SLC1A2: variants seen among roughly 807,000 people sequenced by gnomAD.
The protein encoded by SLC1A2 is solute carrier family 1 member 2.
A neutral mutation model predicts 48.8 loss-of-function variants in SLC1A2; 15 were observed. The ratio of observed to expected loss-of-function variants is 0.31; its 90% CI spans 0.21 to 0.47. SLC1A2 has a LOEUF of 0.47. Ranked by LOEUF, SLC1A2 falls within the 20% of genes least tolerant of loss-of-function variation. The pLI, the probability that SLC1A2 is intolerant of heterozygous loss-of-function variation, is 0.99. For missense variants in SLC1A2, 502 were observed against 730.5 expected (o/e 0.69, Z 3.61); for synonymous variants, 279 against 272.6 (o/e 1.02, Z -0.23).
intron 1 of SLC1A2, among the ~76,000 whole-genome samples, chr11:35,345,567 G>C (rs1479078159): frequency 6.6e-6 from 1 of 152,124 alleles, no homozygotes; most frequent in Non-Finnish European, 1.5e-5. Flanking sequence ...GGGGACCAGT[G>C]ATGGGGACAG....
At chr11:35,326,367 C>A (rs935228574) in intron 1 of SLC1A2, among the ~76,000 whole-genome samples, 3 of 152,172 alleles carry the variant, frequency 2.0e-5, no homozygotes, top group African/African-American at 7.2e-5. Context: ...AGGATTTGGC[C>A]CTCAGGCCTG....
chr11:35,367,511 A>T (rs1213428914), intron 1 of SLC1A2, among the ~76,000 whole-genome samples: 1 of 151,886 alleles, frequency 6.6e-6, no homozygotes, highest in Non-Finnish European at 1.5e-5. Context: ...CCCCTGCTTT[A>T]CCCATCAGCC....
At chr11:35,359,862 T>G (rs1009494512) in intron 1 of SLC1A2, among the ~76,000 whole-genome samples, 2 of 152,226 alleles carry the variant, frequency 1.3e-5, no homozygotes, top group Admixed American at 1.3e-4. Flanking sequence ...GAAATCACAT[T>G]ATTTCAGCCC....
chr11:35,399,607 C>G (rs533131704), intron 1 of SLC1A2: 1 of 984,252 alleles, frequency 1.0e-6, no homozygotes, highest in Non-Finnish European at 1.2e-6. Flanking sequence ...ATAGATGATG[C>G]GTTTTCCATT....
chr11:35,292,540 A>T lies in SLC1A2; in HGVS notation c.858-20T>A. ...GAGTACCTGAAAAACACAAAAGGGA[A>T]AAACAGCATTGAAGAGATCATTAGG... is the stretch of plus-strand genomic sequence containing the variant. On this transcript the variant is annotated intron_variant, in intron 6 of 10. Transcript: ENST00000278379. 1 of 1,508,912 alleles carries T rather than the reference A, an allele frequency of 6.6e-7. No individual in the cohort carries two copies. Among genetic ancestry groups the T allele is most frequent in the Non-Finnish European group, 9.2e-7 (1 of 1,086,090 alleles). The allele number at this position is 1,508,912 out of a possible 1,614,324, so 93.5% of individuals were successfully genotyped here.
intron 7 of SLC1A2, among the ~76,000 whole-genome samples, chr11:35,289,787 TAAA>T (rs1850937740): frequency 6.6e-6 from 1 of 152,224 alleles, no homozygotes; most frequent in South Asian, 2.1e-4. Flanking sequence ...AGTACAAATT[TAAA>T]ACTTCTAGAG....
intron 1 of SLC1A2, among the ~76,000 whole-genome samples, chr11:35,331,765 T>C (rs959327204): frequency 5.3e-5 from 8 of 152,236 alleles, no homozygotes; most frequent in African/African-American, 1.7e-4. Flanking sequence ...CTCTTTGATG[T>C]TGTCTCTTCG....
At chr11:35,275,246 T>C (rs1284427983) in intron 9 of SLC1A2, among the ~76,000 whole-genome samples, 2 of 152,212 alleles carry the variant, frequency 1.3e-5, no homozygotes, top group African/African-American at 2.4e-5. Flanking sequence ...ATTCCCCAAT[T>C]AGCACATGTG....
intron 1 of SLC1A2, among the ~76,000 whole-genome samples, chr11:35,409,914 CA>C (rs1186602820): frequency 6.6e-6 from 1 of 151,874 alleles, no homozygotes; most frequent in African/African-American, 2.4e-5. Flanking sequence ...GTCTCAAAAA[CA>C]AATAAATAAA....
chr11:35,275,674 T>C (rs552082096), intron 9 of SLC1A2, among the ~76,000 whole-genome samples: 2 of 152,336 alleles, frequency 1.3e-5, no homozygotes, highest in African/African-American at 4.8e-5. Context: ...TCTCCAGCAG[T>C]TGGCAAACAC....
intron 1 of SLC1A2, among the ~76,000 whole-genome samples, chr11:35,338,929 G>A (rs533667397): frequency 6.6e-6 from 1 of 152,166 alleles, no homozygotes; most frequent in South Asian, 2.1e-4. Flanking sequence ...CAAGATGAAG[G>A]GGTCAGCATC....
chr11:35,386,020 G>T (rs970485014), intron 1 of SLC1A2, among the ~76,000 whole-genome samples: 1 of 152,100 alleles, frequency 6.6e-6, no homozygotes, highest in African/African-American at 2.4e-5. Flanking sequence ...CAAAAAATTA[G>T]CCGGGCATGG....
chr11:35,414,841 G>A (rs1855562625), intron 1 of SLC1A2, among the ~76,000 whole-genome samples: 3 of 152,176 alleles, frequency 2.0e-5, no homozygotes, highest in African/African-American at 7.2e-5. Context: ...ATTGTAGCAG[G>A]CGACTGAAAT....
intron 9 of SLC1A2, among the ~76,000 whole-genome samples, chr11:35,272,005 T>A (rs1282921279): frequency 6.6e-6 from 1 of 152,120 alleles, no homozygotes; most frequent in Non-Finnish European, 1.5e-5. Context: ...TTATTCAAGA[T>A]GATTGATTGA....
intron 1 of SLC1A2, among the ~76,000 whole-genome samples, chr11:35,331,302 T>TCTG (rs1185401723): frequency 1.3e-5 from 2 of 152,236 alleles, no homozygotes; most frequent in African/African-American, 4.8e-5. Context: ...CCATCGCCCA[T>TCTG]GGAAGCCTTT....
chr11:35,415,620 G>T (rs1168656505), intron 1 of SLC1A2, among the ~76,000 whole-genome samples: 1 of 152,332 alleles, frequency 6.6e-6, no homozygotes, highest in South Asian at 2.1e-4. Flanking sequence ...GAGGACAATG[G>T]TTATGGTTTG....
Position 35,260,642 on chromosome 11 carries a change from C to G in SLC1A2, c.*252G>C, listed in dbSNP as rs1006770658. ...AACGTGTCTTCAATTCCAACTGATT[C>G]CTCCAGCAGCATCCATTCAAATAAT... On this transcript the variant is annotated 3_prime_UTR_variant, in exon 11 of 11. Transcript: ENST00000278379. 1 of 441,926 alleles carries G rather than the reference C, an allele frequency of 2.3e-6. No homozygotes were observed. The highest frequency in any genetic ancestry group is 2.0e-5 in the African/African-American group (1 of 49,852). 27.4% of individuals were successfully genotyped at this position (441,926 alleles called of 1,614,324 possible).
chr11:35,326,148 C>G (rs996555290), intron 1 of SLC1A2, among the ~76,000 whole-genome samples: 1 of 152,132 alleles, frequency 6.6e-6, no homozygotes, highest in Admixed American at 6.5e-5. Flanking sequence ...CGAGGAACCA[C>G]TCTAGGTTCA....
intron 1 of SLC1A2, among the ~76,000 whole-genome samples, chr11:35,378,428 T>A (rs10836386): frequency 6.6e-6 from 1 of 152,052 alleles, no homozygotes; most frequent in African/African-American, 2.4e-5. Flanking sequence ...ATATTGATGC[T>A]AGCTGGTCTG....
Sources: allele counts gnomAD v4.1 joint callset (sites outside exome capture counted in the v4.1 genomes callset), GRCh38; gene constraint gnomAD v4.1.1; transcripts MANE v1.5; gene names NCBI Gene and HGNC (gene_info 2026-07-23, HGNC 2026-07-21).